The following CDK16 variants were observed in gnomAD, a reference collection of about 807,000 sequenced individuals.
The protein encoded by CDK16 is cyclin dependent kinase 16.
In CDK16, 2 loss-of-function variants were observed where a neutral mutation model predicts 41.6. That is an observed-to-expected ratio of 0.05 (90% CI 0.02 to 0.15). CDK16 has a LOEUF of 0.15. CDK16 is among the 10% of genes least tolerant of loss of function. The pLI, the probability that CDK16 is intolerant of heterozygous loss-of-function variation, is 1.00. For synonymous variants in CDK16, 169 were observed against 169.7 expected (o/e 1.00, Z 0.03); for missense variants, 228 against 428.9 (o/e 0.53, Z 4.14).
In CDK16 at chrX:47,227,027, T is replaced by A; in HGVS notation, c.1169T>A (p.Leu390Gln). The A allele has an allele frequency of 1.7e-6, 2 of 1,211,920 alleles. No homozygotes were observed. The highest frequency in any genetic ancestry group is 3.5e-5 in the South Asian group (2 of 56,996). ...ACTGAGGAGACGTGGCCAGGCATCCTGTCCAACGAGGAGTTCAAGACATAC... is the reference window on the plus strand; with the variant it reads ...ACTGAGGAGACGTGGCCAGGCATCCAGTCCAACGAGGAGTTCAAGACATAC... ...TPTEETWPGI[L>Q]SNEEFKTYNY... The change falls in exon 12 of 16, where the codon CTG becomes CAG. Residue 390 changes from leucine (L) to glutamine (Q), a missense_variant. Transcript: ENST00000357227.
intron 14 of CDK16, 106 bp downstream of exon 14, chrX:47,227,575 G>C (rs1207151726): frequency 3.8e-6 from 2 of 526,592 alleles, no homozygotes; most frequent in Non-Finnish European, 6.6e-6. Context: ...ACCTCTACGT[G>C]GGGGGACATC....
At chrX:47,219,204 C>G in intron 1 of CDK16, 99 bp downstream of exon 1, 1 of 745,278 alleles carries the variant, frequency 1.3e-6, no homozygotes, top group Non-Finnish European at 1.6e-6. Context: ...CAGGTGCCCC[C>G]ACCCCCGGCG....
intron 2 of CDK16, among the ~76,000 whole-genome samples, chrX:47,224,099 T>G (rs1401138737): frequency 9.0e-6 from 1 of 110,982 alleles, no homozygotes. Flanking sequence ...CCAGGACCCT[T>G]GGCTTCCCCT....
At position 47,223,674 on chromosome X, in the gene CDK16, T is replaced by C. The variant is rs777199690; in HGVS notation, c.117T>C (p.Gly39=). The part of the protein sequence containing the change: ...EQIGLDESGG[G]GGSDPGEAPT... The stretch of plus-strand genomic sequence containing the variant: ...TAGGCCTGGATGAGAGTGGTGGTGG[T>C]GGCGGCAGTGACCCTGGAGAGGCCC... The change falls in exon 2 of 16, where the codon GGT becomes GGC. Residue 39 remains glycine (G), a synonymous_variant. Transcript: ENST00000357227. 1.7e-6 allele frequency: 2 copies of C among 1,210,511 alleles called. No homozygotes were observed. The highest frequency in any genetic ancestry group is 1.1e-6 in the Non-Finnish European group (1 of 894,989).
intron 8 of CDK16, 69 bp from the exon 9 acceptor site, chrX:47,226,210 A>G: frequency 8.4e-7 from 1 of 1,191,404 alleles, no homozygotes; most frequent in Non-Finnish European, 1.1e-6. Context: ...TTGGGAGGGG[A>G]GCAGTGCCTG....
intron 1 of CDK16, chrX:47,223,129 A>G: frequency 8.6e-7 from 1 of 1,156,602 alleles, no homozygotes; most frequent in Non-Finnish European, 1.1e-6. Context: ...AGACCATGTC[A>G]CCCATCCTTC....
Position 47,227,193 on chromosome X carries a change from C to T in CDK16, c.1254C>T (p.Asp418=), listed in dbSNP as rs757032936. The change falls in exon 13 of 16, where the codon GAC becomes GAT. Residue 418 remains aspartate, a synonymous_variant. Coordinates refer to ENST00000357227, the MANE Select transcript of CDK16 (RefSeq NM_006201.5). The part of the protein sequence containing the change: ...LLSHAPRLDS[D]GADLLTKLLQ... ...GTCCTTGTGGCAGACTTGATAGCGA[C>T]GGGGCCGACCTCCTCACCAAGCTGT... The T allele has an allele frequency of 6.0e-5, 73 of 1,207,306 alleles. No individual in the cohort carries two copies. The South Asian group carries it at 8.0e-4, about 13-fold the overall frequency.
At chrX:47,221,184 T>C (rs1049788914) in intron 1 of CDK16, among the ~76,000 whole-genome samples, 1 of 110,990 alleles carries the variant, frequency 9.0e-6, no homozygotes, top group African/African-American at 3.3e-5. Context: ...GTGTTGAGTA[T>C]CCTTGAGTAT....
chrX:47,228,605 A>G lies in CDK16; in HGVS notation c.1414A>G (p.Lys472Glu), dbSNP rs2055279592. The G allele has an allele frequency of 2.5e-6, 3 of 1,209,679 alleles. No individual in the cohort carries two copies. Among genetic ancestry groups the G allele is most frequent in the African/African-American group, 3.5e-5 (2 of 57,072 alleles). The change falls in exon 15 of 16, where the codon AAG (lysine) becomes GAG (glutamate). Residue 472 changes from lysine to glutamate, a missense_variant. By Grantham distance (56) the Lys-to-Glu change is moderately conservative. Transcript: ENST00000357227. ...TGCACTAAAGGAGATTCAGCTACAA[A>G]AGGAGGCCAGCCTTCGGTCTTCGTC... ...IFALKEIQLQKEASLRSSSMP... is the reference protein window; with the variant it reads ...IFALKEIQLQEEASLRSSSMP...
chrX:47,219,960 T>G (rs1287510285), intron 1 of CDK16, among the ~76,000 whole-genome samples: 1 of 110,048 alleles, frequency 9.1e-6, no homozygotes, highest in Non-Finnish European at 1.9e-5. Context: ...GAGAATTGCG[T>G]GTCTGTCTGG....
At position 47,229,071 on chromosome X, in the gene CDK16, ACCC is replaced by A. The variant is rs765331042; in HGVS notation, c.*307_*309del. 2.6e-6 allele frequency: 1 copy of A among 389,132 alleles called. No homozygotes were observed. The highest frequency in any genetic ancestry group is 3.4e-5 in the South Asian group (1 of 29,323). 32.1% of individuals were successfully genotyped at this position (389,132 alleles called of 1,213,427 possible). On this transcript the variant is annotated 3_prime_UTR_variant, in exon 16 of 16. Coordinates refer to ENST00000357227, the MANE Select transcript of CDK16 (RefSeq NM_006201.5). ...AGCCTCCCACACTGAGGCCAGGTCT[ACCC>A]CCCATCATACCAGCCCCCAGGACCA...
At position 47,218,816 on chromosome X, in the gene CDK16, G is replaced by C. The variant is rs1227068804; in HGVS notation, c.-296G>C. The C allele has an allele frequency of 2.6e-6, 3 of 1,144,143 alleles. No individual in the cohort carries two copies. The African/African-American group carries it at 5.5e-5, about 21-fold the overall frequency. 94.3% of individuals were successfully genotyped at this position (1,144,143 alleles called of 1,213,427 possible). A position where few individuals can be genotyped will look rare whatever the true frequency, so the allele number is the denominator to read the frequency against. On this transcript the variant is annotated 5_prime_UTR_variant, in exon 1 of 16. Coordinates refer to ENST00000357227, the MANE Select transcript of CDK16 (RefSeq NM_006201.5). ...CGCTCTGTGCCGCGAGCCGCCGTGA[G>C]CACTCGGATTCAAGCCGGCGCCAAC... is the stretch of plus-strand genomic sequence containing the variant.
rs1937196670 is a variant in CDK16 at position 47,218,823 on chromosome X, G to A, written c.-289G>A. 7.9e-6 allele frequency: 9 copies of A among 1,142,853 alleles called. No homozygotes were observed. Among genetic ancestry groups the A allele is most frequent in the Non-Finnish European group, 9.2e-6 (8 of 865,523 alleles). 94.2% of individuals were successfully genotyped at this position (1,142,853 alleles called of 1,213,427 possible). ...TGCCGCGAGCCGCCGTGAGCACTCG[G>A]ATTCAAGCCGGCGCCAACGAGTCCG... On this transcript the variant is annotated 5_prime_UTR_variant, in exon 1 of 16. Transcript: ENST00000357227.
In CDK16 at chrX:47,225,807, G is replaced by A; in HGVS notation, c.670G>A (p.Val224Ile). 1 of 1,210,860 alleles carries A rather than the reference G, an allele frequency of 8.3e-7. No homozygotes were observed. The highest frequency in any genetic ancestry group is 1.1e-6 in the Non-Finnish European group (1 of 894,809). Residue 224 changes from valine to isoleucine, a missense_variant, in exon 7 of 16, where the codon GTT becomes ATT. Physicochemically the swap from Val to Ile is conservative, Grantham distance 29. Transcript: ENST00000357227. ...LLKDLKHANIVTLHDIIHTEK... is the reference protein window; with the variant it reads ...LLKDLKHANIITLHDIIHTEK... The stretch of plus-strand genomic sequence containing the variant: ...CAAGGACCTCAAACACGCCAACATC[G>A]TTACGCTACATGACATTATCCACAC...
chrX:47,226,965 T>C (rs1271264604), intron 11 of CDK16, 29 bp from the exon 12 acceptor site: 1 of 1,203,869 alleles, frequency 8.3e-7, no homozygotes, highest in Non-Finnish European at 1.1e-6. Context: ...ACCTGTGAAA[T>C]GTTTGGGATA....
intron 1 of CDK16, chrX:47,222,927 C>G: frequency 3.1e-5 from 15 of 480,968 alleles, no homozygotes; most frequent in Non-Finnish European, 3.5e-5. Context: ...GTGGTTGGGT[C>G]TGGGCAGGAC....
intron 1 of CDK16, 147 bp downstream of exon 1, chrX:47,219,252 G>A (rs1937226080): frequency 3.3e-6 from 2 of 607,491 alleles, no homozygotes; most frequent in Non-Finnish European, 4.0e-6. Flanking sequence ...GGTCATTTGG[G>A]GCCTCCCTGA....
intron 1 of CDK16, chrX:47,222,926 T>A (rs1602679879): frequency 2.4e-6 from 1 of 424,743 alleles, no homozygotes; most frequent in Admixed American, 6.0e-5. Flanking sequence ...AGTGGTTGGG[T>A]CTGGGCAGGA....
intron 2 of CDK16, among the ~76,000 whole-genome samples, chrX:47,224,042 A>G (rs1283218358): frequency 3.6e-5 from 4 of 110,841 alleles, no homozygotes; most frequent in Non-Finnish European, 5.7e-5. Context: ...GCCCTCTATG[A>G]TGGCCTCCTC....
Sources: gnomAD v4.1 joint callset for allele counts (sites outside exome capture counted in the v4.1 genomes callset) on GRCh38, gnomAD v4.1.1 for gene constraint, MANE v1.5 for transcripts, NCBI Gene and HGNC (gene_info 2026-07-23, HGNC 2026-07-21) for gene names.